Variants in ZNF37A observed in about 807,000 individuals in gnomAD.
ZNF37A encodes zinc finger protein 37a (KOX 21).
In ZNF37A, 10 loss-of-function variants were observed where a neutral mutation model predicts 12.3. The observed-to-expected ratio is 0.82, with a 90% CI of 0.50 to 1.38. ZNF37A has a LOEUF of 1.38. ZNF37A is among the 40% of genes most tolerant of loss of function. The probability of loss-of-function intolerance (pLI) is 0.00; values close to 1 mark genes in which losing one functional copy is unlikely to be tolerated. For missense variants in ZNF37A, 580 were observed against 651.2 expected (o/e 0.89, Z 1.19); for synonymous variants, 207 against 223.0 (o/e 0.93, Z 0.64).
rs774447401 is a variant in ZNF37A, at chr10:38,095,620, C to G, written c.-115C>G. Reference sequence around the variant, plus strand: ...GATCTTACAGAATCAGAGGTACAGCCGCGAGAAAGGTCTGTAAGTTATCTA... The same window carrying G: ...GATCTTACAGAATCAGAGGTACAGCGGCGAGAAAGGTCTGTAAGTTATCTA... On this transcript the variant is annotated 5_prime_UTR_variant, in exon 3 of 8. Transcript: ENST00000685332. 3.3e-5 allele frequency: 5 copies of G among 152,064 alleles called. No individual in the cohort carries two copies. Among genetic ancestry groups the G allele is most frequent in the African/African-American group, 9.7e-5 (4 of 41,402 alleles). 9.4% of individuals were successfully genotyped at this position (152,064 alleles called of 1,614,324 possible). A position where few individuals can be genotyped will look rare whatever the true frequency, so the allele number is the denominator to read the frequency against.
intron 7 of ZNF37A, chr10:38,144,383 AACTT>A (rs760439009): frequency 1.3e-5 from 2 of 152,216 alleles, no homozygotes; most frequent in African/African-American, 4.8e-5. Flanking sequence ...CAAAAAAATA[AACTT>A]ACTGTCTGTA....
intron 5 of ZNF37A, among the ~76,000 whole-genome samples, chr10:38,104,201 TA>T (rs1194272043): frequency 1.3e-5 from 2 of 152,134 alleles, no homozygotes; most frequent in East Asian, 3.9e-4. Context: ...TAATTGCCTT[TA>T]AATGCTTTCA....
chr10:38,140,336 C>T (rs1341282232), intron 7 of ZNF37A: 4 of 152,300 alleles, frequency 2.6e-5, no homozygotes, highest in Non-Finnish European at 4.4e-5. Flanking sequence ...GTAATTTTAT[C>T]ACAGGGACAA....
chr10:38,112,747 T>TC (rs1564931911), intron 5 of ZNF37A, among the ~76,000 whole-genome samples: 6 of 66,422 alleles, frequency 9.0e-5, no homozygotes, highest in Admixed American at 1.8e-4. Context: ...TTTCTTTTCT[T>TC]TTCTTTTCTT....
chr10:38,132,166 G>A (rs1209323618), intron 7 of ZNF37A, among the ~76,000 whole-genome samples: 1 of 152,124 alleles, frequency 6.6e-6, no homozygotes, highest in Non-Finnish European at 1.5e-5. Flanking sequence ...ATAAAAAGGA[G>A]TATCCTTGCC....
At chr10:38,110,512 G>A (rs2068551771) in intron 5 of ZNF37A, among the ~76,000 whole-genome samples, 2 of 152,134 alleles carry the variant, frequency 1.3e-5, no homozygotes, top group South Asian at 4.1e-4. Flanking sequence ...AAGAGCTTCT[G>A]CACAGCAAAA....
rs545578266 is a variant in ZNF37A at position 38,110,177 on chromosome 10, G to A, written c.16-4578G>A. 1.1e-4 allele frequency among the ~76,000 whole-genome samples: 17 copies of A among 152,154 alleles called. No homozygotes were observed. In the East Asian group the frequency reaches 3.1e-3, roughly 28 times the overall value. ...TCAATGGAACAGAACAGAGGCCTCA[G>A]GAGTACCACACGTCTACAACCATCT... is the stretch of plus-strand genomic sequence containing the variant. On this transcript the variant is annotated intron_variant, in intron 5 of 7. Coordinates refer to ENST00000685332, the MANE Select transcript of ZNF37A (RefSeq NM_001324250.3).
intron 5 of ZNF37A, among the ~76,000 whole-genome samples, chr10:38,107,782 C>G (rs1428384923): frequency 2.6e-5 from 4 of 152,078 alleles, no homozygotes; most frequent in African/African-American, 9.7e-5. Context: ...GTAAAGGGAT[C>G]AATGCAACAA....
At chr10:38,133,717 A>G (rs920386875) in intron 7 of ZNF37A, among the ~76,000 whole-genome samples, 5 of 152,046 alleles carry the variant, frequency 3.3e-5, no homozygotes, top group African/African-American at 1.2e-4. Flanking sequence ...TCTATCATTG[A>G]TGGATATTTG....
At chr10:38,145,961 G>A (rs1464816813) in intron 7 of ZNF37A, among the ~76,000 whole-genome samples, 11 of 152,106 alleles carry the variant, frequency 7.2e-5, no homozygotes, top group Admixed American at 2.6e-4. Flanking sequence ...TTAGCCAGGC[G>A]TGGTGGTGGG....
Position 38,117,601 on chromosome 10 carries a change from A to T in ZNF37A, c.450A>T (p.Glu150Asp). The T allele has an allele frequency of 6.2e-7, 1 of 1,613,862 alleles. No individual in the cohort carries two copies. The highest frequency in any genetic ancestry group is 8.5e-7 in the Non-Finnish European group (1 of 1,179,948). ...KNWEQSFEYN[E>D]CGKAFPENSL... The stretch of plus-strand genomic sequence containing the variant: ...GGGAACAATCTTTTGAATACAATGA[A>T]TGTGGGAAAGCTTTCCCTGAGAATT... The change falls in exon 8 of 8, where the codon GAA (glutamate) becomes GAT (aspartate). Residue 150 changes from glutamate to aspartate, a missense_variant. By Grantham distance (45) the Glu-to-Asp change is conservative. Coordinates refer to ENST00000685332, the MANE Select transcript of ZNF37A (RefSeq NM_001324250.3).
intron 5 of ZNF37A, among the ~76,000 whole-genome samples, chr10:38,097,375 C>G (rs910927417): frequency 6.6e-6 from 1 of 151,746 alleles, no homozygotes; most frequent in Admixed American, 6.6e-5. Context: ...GTCAGGAGTC[C>G]GAGACCAGCC....
chr10:38,095,773 C>T lies in ZNF37A; in HGVS notation c.-76C>T, dbSNP rs981638412. 1 of 152,124 alleles carries T rather than the reference C, an allele frequency of 6.6e-6. No homozygotes were observed. The highest frequency in any genetic ancestry group is 1.5e-5 in the Non-Finnish European group (1 of 68,032). 9.4% of individuals were successfully genotyped at this position (152,124 alleles called of 1,614,324 possible). ...AAGAACAGACAGAGTCGCTTGAGGA[C>T]TCAGGAGGGTGTTTGCTGCGTTGAC... On this transcript the variant is annotated 5_prime_UTR_variant, in exon 4 of 8. Coordinates refer to ENST00000685332, the MANE Select transcript of ZNF37A (RefSeq NM_001324250.3).
chr10:38,129,245 G>C (rs564887164), downstream of ZNF37A, among the ~76,000 whole-genome samples: 93 of 141,776 alleles, frequency 6.6e-4, 4 homozygotes, highest in South Asian at 0.018. Flanking sequence ...AATAAGAGGA[G>C]GCATAGTGAT....
chr10:38,117,746 A>AC lies in ZNF37A; in HGVS notation c.595_596insC (p.Asn199ThrfsTer5), dbSNP rs2069391729. On this transcript the variant is annotated frameshift_variant, in exon 8 of 8. Transcript: ENST00000685332. LOFTEE classifies it low-confidence loss of function (END_TRUNC). ...TCATCAGCAAACACATCCAAGAGAA[A>AC]ACCACTATGGTAATGAATGTGGAGA... The AC allele has an allele frequency of 1.2e-6, 2 of 1,613,856 alleles. No individual in the cohort carries two copies. The highest frequency in any genetic ancestry group is 2.7e-5 in the African/African-American group (2 of 74,894).
chr10:38,131,186 G>A (rs1013434875), intron 7 of ZNF37A, among the ~76,000 whole-genome samples: 10 of 151,862 alleles, frequency 6.6e-5, no homozygotes, highest in Admixed American at 4.6e-4. Context: ...AGTATTCTTC[G>A]ATGCAAAAAA....
At chr10:38,107,824 C>T (rs754304532) in intron 5 of ZNF37A, among the ~76,000 whole-genome samples, 6 of 152,080 alleles carry the variant, frequency 3.9e-5, no homozygotes, top group Non-Finnish European at 8.8e-5. Context: ...ATATATGCAC[C>T]CAATACAGGA....
At chr10:38,141,277 A>C (rs981180374) in intron 7 of ZNF37A, 1 of 152,210 alleles carries the variant, frequency 6.6e-6, no homozygotes, top group Non-Finnish European at 1.5e-5. Context: ...AGGGAAAAAT[A>C]ACCTCGCAGA....
At chr10:38,142,345 C>T (rs2070195583) in intron 7 of ZNF37A, 1 of 152,208 alleles carries the variant, frequency 6.6e-6, no homozygotes. Context: ...CAAGCTTCTA[C>T]TGCTCTGATG....
Sources: gnomAD v4.1 joint callset for allele counts (sites outside exome capture counted in the v4.1 genomes callset) on GRCh38, gnomAD v4.1.1 for gene constraint, MANE v1.5 for transcripts, NCBI Gene and HGNC (gene_info 2026-07-23, HGNC 2026-07-21) for gene names.